SNRPE: variants seen among roughly 807,000 people sequenced by gnomAD.
SNRPE encodes the protein small nuclear ribonucleoprotein polypeptide E.
For missense variants in SNRPE, 53 were observed against 111.6 expected, an observed-to-expected ratio of 0.48 and a Z score of 2.36; for synonymous variants, 35 against 36.7, an observed-to-expected ratio of 0.95 and a Z score of 0.17.
At chr1:203,865,774 C>T (rs1690074553) in intron 4 of SNRPE, among the ~76,000 whole-genome samples, 1 of 152,284 alleles carries the variant, frequency 6.6e-6, no homozygotes, top group Non-Finnish European at 1.5e-5. Context: ...TCCCATGACC[C>T]CTCCGTTGGT....
At chr1:203,866,983 C>G (rs1251045884) in intron 4 of SNRPE, among the ~76,000 whole-genome samples, 1 of 151,294 alleles carries the variant, frequency 6.6e-6, no homozygotes, top group African/African-American at 2.4e-5. Flanking sequence ...AGACAGCGGT[C>G]CCCTAGGCCA....
Position 203,861,634 on chromosome 1 carries a change from G to A in SNRPE, c.-26G>A, listed in dbSNP as rs190691844. 8 of 1,600,344 alleles carry A rather than the reference G, an allele frequency of 5.0e-6. No individual in the cohort carries two copies. In the South Asian group the frequency reaches 8.8e-5, roughly 18 times the overall value. ...GAAGTTGCTCTCAGAGGCAGCGTGC[G>A]GGTGTGCTCTTTGTGAAATTCCACC... On this transcript the variant is annotated 5_prime_UTR_variant, in exon 1 of 5. Coordinates refer to ENST00000414487, the MANE Select transcript of SNRPE (RefSeq NM_003094.4).
intron 1 of SNRPE, 77 bp from the exon 2 acceptor site, chr1:203,862,119 G>A: frequency 7.0e-6 from 8 of 1,140,714 alleles, no homozygotes; most frequent in Admixed American, 1.7e-5. Flanking sequence ...GGTGAGACGG[G>A]AATAGCGTCG....
chr1:203,861,605 T>C lies in SNRPE; in HGVS notation c.-55T>C, dbSNP rs1206121703. On this transcript the variant is annotated 5_prime_UTR_variant, in exon 1 of 5. Coordinates refer to ENST00000414487, the MANE Select transcript of SNRPE (RefSeq NM_003094.4). ...CACACTTCCGCTTCCGGTTCTTTAT[T>C]CCGGAAGTTGCTCTCAGAGGCAGCG... The C allele has an allele frequency of 5.7e-6, 8 of 1,406,204 alleles. No homozygotes were observed. Among genetic ancestry groups the C allele is most frequent in the African/African-American group, 1.4e-5 (1 of 70,964 alleles). 87.1% of individuals were successfully genotyped at this position (1,406,204 alleles called of 1,614,324 possible).
At chr1:203,865,209 T>A in intron 4 of SNRPE, 90 bp downstream of exon 4, 1 of 1,210,790 alleles carries the variant, frequency 8.3e-7, no homozygotes, top group Non-Finnish European at 1.2e-6. Context: ...TGTTTGAATT[T>A]ATTTTGCATT....
chr1:203,864,509 T>A (rs1429780651), intron 3 of SNRPE, among the ~76,000 whole-genome samples: 1 of 151,454 alleles, frequency 6.6e-6, no homozygotes, highest in Non-Finnish European at 1.5e-5. Context: ...TTGAACTCCT[T>A]GGCTCAAGTG....
chr1:203,861,820 A>C (rs1243449005), intron 1 of SNRPE, 107 bp downstream of exon 1: 1 of 870,384 alleles, frequency 1.1e-6, no homozygotes, highest in African/African-American at 1.6e-5. Flanking sequence ...TCCACATCCC[A>C]TGAGCCCCCG....
In SNRPE at chr1:203,869,931, A is replaced by G. The variant is rs779201045; in HGVS notation, c.278A>G (p.Ter93TrpextTer2). The G allele has an allele frequency of 3.8e-6, 6 of 1,583,328 alleles. No homozygotes were observed. Among genetic ancestry groups the G allele is most frequent in the South Asian group, 1.1e-5 (1 of 89,014 alleles). The change falls in exon 5 of 5, where the codon TAG (stop) becomes TGG (tryptophan). Residue 93 changes from the stop codon to tryptophan, a stop_lost. Transcript: ENST00000414487. Reference sequence around the variant, plus strand: ...ACTCTGCTACAAAGTGTCTCCAACTAGAAATGATCAATGAAGTGAGAAATT... The same window carrying G: ...ACTCTGCTACAAAGTGTCTCCAACTGGAAATGATCAATGAAGTGAGAAATT... ...NITLLQSVSN[*>W]
rs1690191827 is a variant in SNRPE at position 203,870,416 on chromosome 1, ACT to A, written c.*488_*489del. 1 of 152,380 alleles carries A rather than the reference ACT, an allele frequency of 6.6e-6. No individual in the cohort carries two copies. The highest frequency in any genetic ancestry group is 6.5e-5 in the Admixed American group (1 of 15,276). 9.4% of individuals were successfully genotyped at this position (152,380 alleles called of 1,614,324 possible). On this transcript the variant is annotated 3_prime_UTR_variant, in exon 5 of 5. Coordinates refer to ENST00000414487, the MANE Select transcript of SNRPE (RefSeq NM_003094.4). ...TTTAATGGGGTCAGTATTGCTCAAC[ACT>A]CTCATTGAGTCACTGTGAGGTCTTT...
intron 3 of SNRPE, among the ~76,000 whole-genome samples, chr1:203,864,314 GA>G (rs1191437656): frequency 3.3e-5 from 5 of 152,258 alleles, no homozygotes; most frequent in African/African-American, 4.8e-5. Context: ...TTAGTATGGA[GA>G]GGGGGGACAA....
At chr1:203,863,902 T>A (rs1690031370) in intron 3 of SNRPE, among the ~76,000 whole-genome samples, 177 bp downstream of exon 3, 1 of 152,034 alleles carries the variant, frequency 6.6e-6, no homozygotes, top group South Asian at 2.1e-4. Flanking sequence ...TAGTTTTTAA[T>A]AGGGAAAATA....
intron 1 of SNRPE, 187 bp from the exon 2 acceptor site, chr1:203,862,009 G>T: frequency 1.6e-6 from 1 of 621,810 alleles, no homozygotes. Context: ...GGGGATGAAA[G>T]TGGAATGGAT....
intron 1 of SNRPE, 27 bp from the exon 2 acceptor site, chr1:203,862,169 A>G: frequency 1.3e-6 from 2 of 1,595,370 alleles, no homozygotes; most frequent in South Asian, 1.1e-5. Context: ...CTGCTTTTGT[A>G]TTTTTTCCTT....
intron 4 of SNRPE, among the ~76,000 whole-genome samples, chr1:203,866,038 T>G (rs1410687415): frequency 6.8e-6 from 1 of 146,520 alleles, no homozygotes; most frequent in Non-Finnish European, 1.5e-5. Flanking sequence ...AATTGGCCGT[T>G]GGTGATCAGC....
chr1:203,870,800 A>G lies in SNRPE; in HGVS notation c.*868A>G, dbSNP rs995211438. Among the ~76,000 whole-genome samples the G allele has an allele frequency of 5.9e-5, 9 of 152,262 alleles. No individual in the cohort carries two copies. Among genetic ancestry groups the G allele is most frequent in the African/African-American group, 2.2e-4 (9 of 41,480 alleles). ...CTGTTAGCTAGACACTGTTGAATCA[A>G]TACAGTGAAACAGACAGGTAAGCAG... On this transcript the variant is annotated 3_prime_UTR_variant, in exon 5 of 5. Transcript: ENST00000414487.
chr1:203,862,023 C>A (rs1689988006), intron 1 of SNRPE, 173 bp from the exon 2 acceptor site: 1 of 633,506 alleles, frequency 1.6e-6, no homozygotes, highest in East Asian at 2.7e-5. Context: ...AATGGATGTT[C>A]TTTAGTCTTT....
rs576757600 is a variant in SNRPE at position 203,864,041 on chromosome 1, A to G, written c.144+316A>G. ...ACAATCATGGCTCGTTGCAGCCTCA[A>G]CCTCCCGGGCTCAAGTAGTCCTCCT... On this transcript the variant is annotated intron_variant, in intron 3 of 4. Coordinates refer to ENST00000414487, the MANE Select transcript of SNRPE (RefSeq NM_003094.4). Among the ~76,000 whole-genome samples, 3 of 152,122 alleles carry G rather than the reference A, an allele frequency of 2.0e-5. No homozygotes were observed. In the East Asian group the frequency reaches 5.8e-4, roughly 29 times the overall value.
In SNRPE at chr1:203,869,289, C is replaced by CTTTTTTTTTT. The variant is rs564988259; in HGVS notation, c.224-563_224-554dup. ...AGGTTTGTTTATTGTAGGATGGAGT[C>CTTTTTTTTTT]TTTTTTTTTTTTTTTTTTTTTTTTT... is the stretch of plus-strand genomic sequence containing the variant. On this transcript the variant is annotated intron_variant, in intron 4 of 4. Coordinates refer to ENST00000414487, the MANE Select transcript of SNRPE (RefSeq NM_003094.4). Among the ~76,000 whole-genome samples, 85 of 66,802 alleles carry CTTTTTTTTTT rather than the reference C, an allele frequency of 1.3e-3. 1 individual carries two copies. The highest frequency in any genetic ancestry group is 1.5e-3 in the East Asian group (3 of 1,970). The allele number at this position is 66,802 out of a possible 152,430, so 43.8% of individuals were successfully genotyped here. A position where few individuals can be genotyped will look rare whatever the true frequency, so the allele number is the denominator to read the frequency against.
intron 4 of SNRPE, among the ~76,000 whole-genome samples, chr1:203,867,319 C>T (rs1463868925): frequency 6.6e-6 from 1 of 150,796 alleles, no homozygotes; most frequent in Non-Finnish European, 1.5e-5. Flanking sequence ...ACCATTTTGG[C>T]ACCAGGGACC....
Sources: allele counts gnomAD v4.1 joint callset (sites outside exome capture counted in the v4.1 genomes callset), GRCh38; gene constraint gnomAD v4.1.1; transcripts MANE v1.5; gene names NCBI Gene and HGNC (gene_info 2026-07-23, HGNC 2026-07-21).